The following DPYD variants were observed in gnomAD, a reference collection of about 807,000 sequenced individuals.
The protein encoded by DPYD is dihydropyrimidine dehydrogenase.
DPYD carries 109 observed loss-of-function variants against 116.2 expected under a neutral mutation model. The ratio of observed to expected loss-of-function variants is 0.94; its 90% CI spans 0.80 to 1.10. DPYD has a LOEUF of 1.10. DPYD is among the 50% of genes least tolerant of loss of function. DPYD has a pLI of 0.00. For missense variants in DPYD, 1,302 were observed against 1,254.5 expected (o/e 1.04, Z -0.57); for synonymous variants, 440 against 432.0 (o/e 1.02, Z -0.23).
intron 13 of DPYD, among the ~76,000 whole-genome samples, chr1:97,496,388 G>A (rs1679267780): frequency 6.6e-6 from 1 of 151,990 alleles, no homozygotes; most frequent in Non-Finnish European, 1.5e-5. Context: ...TCACTCTTGT[G>A]ACTATTTTCT....
At chr1:97,255,042 G>A (rs565584630) in intron 18 of DPYD, among the ~76,000 whole-genome samples, 8 of 152,208 alleles carry the variant, frequency 5.3e-5, no homozygotes, top group East Asian at 1.9e-4. Flanking sequence ...TAGACATCAC[G>A]TTTATCTTAA....
chr1:97,197,553 C>T (rs1319257617), intron 19 of DPYD, among the ~76,000 whole-genome samples: 1 of 152,120 alleles, frequency 6.6e-6, no homozygotes, highest in Non-Finnish European at 1.5e-5. Flanking sequence ...TCTAAATCAT[C>T]CCTGATGTTT....
At chr1:97,204,478 T>A (rs75110606) in intron 19 of DPYD, among the ~76,000 whole-genome samples, 9,979 of 152,182 alleles carry the variant, frequency 0.066, 447 homozygotes, top group Middle Eastern at 0.11. Context: ...TATTTTATGA[T>A]TTGTGACTCT....
chr1:97,138,294 C>T (rs959918691), intron 20 of DPYD, among the ~76,000 whole-genome samples: 2 of 152,060 alleles, frequency 1.3e-5, no homozygotes, highest in African/African-American at 2.4e-5. Context: ...TTTCTTCTGC[C>T]AGCATGACTC....
intron 20 of DPYD, among the ~76,000 whole-genome samples, chr1:97,136,122 T>C (rs1165618624): frequency 6.6e-6 from 1 of 152,218 alleles, no homozygotes; most frequent in Non-Finnish European, 1.5e-5. Context: ...TGATGTTGTT[T>C]GATGCCAATC....
intron 10 of DPYD, among the ~76,000 whole-genome samples, chr1:97,583,816 T>C (rs1653882368): frequency 6.6e-6 from 1 of 152,178 alleles, no homozygotes; most frequent in Non-Finnish European, 1.5e-5. Flanking sequence ...TCTATCATTG[T>C]TGGACATTTG....
chr1:97,899,408 T>C (rs930865001), intron 1 of DPYD, among the ~76,000 whole-genome samples: 4 of 151,944 alleles, frequency 2.6e-5, no homozygotes, highest in African/African-American at 9.7e-5. Flanking sequence ...TGTGGGTGAC[T>C]TCCTCTGAAC....
intron 3 of DPYD, among the ~76,000 whole-genome samples, chr1:97,805,719 G>C (rs1218724295): frequency 6.6e-6 from 1 of 151,664 alleles, no homozygotes; most frequent in African/African-American, 2.4e-5. Flanking sequence ...AAGTTCCTAA[G>C]AGAGGAGAAC....
intron 20 of DPYD, among the ~76,000 whole-genome samples, chr1:97,112,096 C>T (rs1264847900): frequency 6.6e-6 from 1 of 152,104 alleles, no homozygotes; most frequent in African/African-American, 2.4e-5. Context: ...AGCAATGTCT[C>T]ATAGCTTTTT....
chr1:97,119,392 C>A (rs1195518568), intron 20 of DPYD, among the ~76,000 whole-genome samples: 1 of 152,098 alleles, frequency 6.6e-6, no homozygotes, highest in African/African-American at 2.4e-5. Flanking sequence ...TCAAAGACTG[C>A]AGAAAAGTGT....
chr1:97,904,286 G>A (rs891143132), intron 1 of DPYD, among the ~76,000 whole-genome samples: 1 of 151,980 alleles, frequency 6.6e-6, no homozygotes, highest in South Asian at 2.1e-4. Context: ...ATTCAGAAAT[G>A]ATTATACAGG....
chr1:97,750,005 G>A (rs1664785337), intron 3 of DPYD, among the ~76,000 whole-genome samples: 1 of 151,990 alleles, frequency 6.6e-6, no homozygotes. Flanking sequence ...ATTATTTTGT[G>A]TTGCATATTC....
intron 2 of DPYD, among the ~76,000 whole-genome samples, chr1:97,833,826 G>C (rs1669640930): frequency 2.0e-5 from 3 of 152,008 alleles, no homozygotes; most frequent in Non-Finnish European, 4.4e-5. Flanking sequence ...TGATTTTTAT[G>C]AATAATAAAG....
chr1:97,756,030 A>G (rs1665206946), intron 3 of DPYD, among the ~76,000 whole-genome samples: 3 of 152,184 alleles, frequency 2.0e-5, no homozygotes, highest in African/African-American at 7.2e-5. Flanking sequence ...AAATGAGGTA[A>G]TTATGACAAG....
chr1:97,154,343 T>C (rs1655271963), intron 20 of DPYD, among the ~76,000 whole-genome samples: 5 of 152,172 alleles, frequency 3.3e-5, no homozygotes, highest in Admixed American at 3.3e-4. Flanking sequence ...ATGGCATTTG[T>C]AGCAAGCCAG....
chr1:97,232,247 G>C (rs1415230343), intron 19 of DPYD, among the ~76,000 whole-genome samples: 1 of 152,128 alleles, frequency 6.6e-6, no homozygotes, highest in African/African-American at 2.4e-5. Context: ...TCCATGGCTT[G>C]TGATGAGAAA....
At chr1:97,822,715 T>G (rs1388897150) in intron 3 of DPYD, among the ~76,000 whole-genome samples, 1 of 152,158 alleles carries the variant, frequency 6.6e-6, no homozygotes, top group African/African-American at 2.4e-5. Flanking sequence ...CCATTCCATC[T>G]CTAGCCATCT....
intron 14 of DPYD, among the ~76,000 whole-genome samples, chr1:97,408,349 T>C (rs1483022966): frequency 1.3e-5 from 2 of 152,208 alleles, no homozygotes; most frequent in Non-Finnish European, 2.9e-5. Context: ...TAAGAACATG[T>C]TTGTGCATGT....
intron 14 of DPYD, among the ~76,000 whole-genome samples, chr1:97,436,298 G>T (rs188302157): frequency 6.6e-6 from 1 of 151,938 alleles, no homozygotes; most frequent in Non-Finnish European, 1.5e-5. Flanking sequence ...TTATGTAAGC[G>T]AGCCTACTGA....
Sources: allele counts gnomAD v4.1 joint callset (sites outside exome capture counted in the v4.1 genomes callset), GRCh38; gene constraint gnomAD v4.1.1; transcripts MANE v1.5; gene names NCBI Gene and HGNC (gene_info 2026-07-23, HGNC 2026-07-21).